The following CD99L2 variants were observed in gnomAD, a reference collection of about 807,000 sequenced individuals.
CD99L2 encodes the protein CD99 molecule like 2.
A neutral mutation model predicts 27.3 loss-of-function variants in CD99L2; 24 were observed. The observed-to-expected ratio is 0.88, with a 90% CI of 0.64 to 1.24. CD99L2 has a LOEUF of 1.24. Ranked by LOEUF, CD99L2 falls within the 50% of genes most tolerant of loss-of-function variation. CD99L2 has a pLI of 0.00. For synonymous variants in CD99L2, 97 were observed against 87.9 expected (o/e 1.10, Z -0.58); for missense variants, 255 against 221.6 (o/e 1.15, Z -0.96).
intron 4 of CD99L2, 35 bp from the exon 5 acceptor site, chrX:150,795,521 A>G: frequency 8.5e-7 from 1 of 1,178,609 alleles, no homozygotes; most frequent in Non-Finnish European, 1.2e-6. Flanking sequence ...AAGGGAGCAC[A>G]TTTAGGAACA....
chrX:150,770,216 G>A (rs2043418894), intron 10 of CD99L2, 88 bp downstream of exon 10: 2 of 905,857 alleles, frequency 2.2e-6, no homozygotes, highest in East Asian at 3.1e-5. Flanking sequence ...ACGCCTCTGT[G>A]CTTCCCTGCT....
At chrX:150,824,264 G>GT in intron 2 of CD99L2, among the ~76,000 whole-genome samples, 1 of 56,066 alleles carries the variant, frequency 1.8e-5, no homozygotes, top group African/African-American at 8.1e-5. Flanking sequence ...GAGGAAGAAG[G>GT]AAGGAGGAGG....
intron 1 of CD99L2, among the ~76,000 whole-genome samples, chrX:150,885,226 G>C (rs1181270429): frequency 9.0e-6 from 1 of 111,333 alleles, no homozygotes; most frequent in Non-Finnish European, 1.9e-5. Context: ...TCTATTTCTC[G>C]ACCTGGTCGG....
At position 150,898,623 on chromosome X, in the gene CD99L2, A is replaced by G; in HGVS notation, c.-35T>C. The G allele has an allele frequency of 9.4e-7, 1 of 1,064,322 alleles. No homozygotes were observed. Among genetic ancestry groups the G allele is most frequent in the Non-Finnish European group, 1.2e-6 (1 of 822,321 alleles). 87.7% of individuals were successfully genotyped at this position (1,064,322 alleles called of 1,213,427 possible). ...CAGGCGGAGGGCCCCGGAGGAGCAC[A>G]GTTAGCGCGAGAGCGCCCGAAGGGG... is the stretch of plus-strand genomic sequence containing the variant. On this transcript the variant is annotated 5_prime_UTR_variant, in exon 1 of 11. Coordinates refer to ENST00000370377, the MANE Select transcript of CD99L2 (RefSeq NM_031462.4).
chrX:150,894,064 A>AAT (rs2047564633), intron 1 of CD99L2, among the ~76,000 whole-genome samples: 1 of 111,385 alleles, frequency 9.0e-6, no homozygotes, highest in Non-Finnish European at 1.9e-5. Context: ...TAGTACATTC[A>AAT]CATATTTTGC....
intron 1 of CD99L2, among the ~76,000 whole-genome samples, chrX:150,892,980 C>T (rs2047543646): frequency 9.0e-6 from 1 of 111,559 alleles, no homozygotes; most frequent in African/African-American, 3.3e-5. Context: ...AAAAATTAGC[C>T]GGGTGTGATG....
intron 1 of CD99L2, among the ~76,000 whole-genome samples, chrX:150,891,732 G>A (rs1557422824): frequency 9.0e-6 from 1 of 111,378 alleles, no homozygotes; most frequent in Non-Finnish European, 1.9e-5. Context: ...GTGCCTACAT[G>A]AAAGATTTTC....
At chrX:150,773,634 T>C (rs1479059735) in intron 9 of CD99L2, among the ~76,000 whole-genome samples, 3 of 112,381 alleles carry the variant, frequency 2.7e-5, no homozygotes, top group Non-Finnish European at 3.8e-5. Context: ...CATGGCCTTA[T>C]TCAGGAACAG....
chrX:150,788,006 T>C (rs1035802387), intron 7 of CD99L2, among the ~76,000 whole-genome samples: 9 of 105,387 alleles, frequency 8.5e-5, no homozygotes, highest in East Asian at 3.0e-4. Flanking sequence ...ATTTTTTGTA[T>C]GTTCTCTATT....
At chrX:150,818,930 T>G in intron 2 of CD99L2, 1 of 366,041 alleles carries the variant, frequency 2.7e-6, no homozygotes, top group Non-Finnish European at 5.4e-6. Context: ...ATTCCAGGGT[T>G]TATGTGCTAG....
chrX:150,820,039 G>A (rs1186435224), intron 2 of CD99L2, among the ~76,000 whole-genome samples: 1 of 111,565 alleles, frequency 9.0e-6, no homozygotes, highest in Admixed American at 9.5e-5. Flanking sequence ...TAATACCGAA[G>A]TCAGACAAAT....
chrX:150,791,267 G>A (rs2124096681), intron 7 of CD99L2, among the ~76,000 whole-genome samples: 1 of 111,848 alleles, frequency 8.9e-6, no homozygotes, highest in African/African-American at 3.2e-5. Flanking sequence ...TCCTATCTCT[G>A]TCTGCTTAGA....
chrX:150,773,979 G>T (rs1039074467), intron 9 of CD99L2, among the ~76,000 whole-genome samples: 2 of 111,517 alleles, frequency 1.8e-5, no homozygotes, highest in Non-Finnish European at 3.8e-5. Flanking sequence ...GAAATCATCA[G>T]AAAATCAGGC....
rs181418109 is a variant in CD99L2, at chrX:150,793,998, G to A, written c.431-242C>T. ...ATGGCTATATCACTCCCGTGATTAG[G>A]TTAGATTACATGCCAAAGGTGAAGG... On this transcript the variant is annotated intron_variant, in intron 6 of 10. Transcript: ENST00000370377. Among the ~76,000 whole-genome samples the A allele has an allele frequency of 4.0e-4, 44 of 111,223 alleles. No individual in the cohort carries two copies. In the East Asian group the frequency reaches 0.011, roughly 28 times the overall value.
intron 7 of CD99L2, among the ~76,000 whole-genome samples, chrX:150,793,159 C>G: frequency 8.9e-6 from 1 of 112,516 alleles, no homozygotes; most frequent in Non-Finnish European, 1.9e-5. Flanking sequence ...CTGGTTTTGA[C>G]AATGACTATG....
At chrX:150,841,574 G>C (rs1180649402) in intron 1 of CD99L2, among the ~76,000 whole-genome samples, 1 of 111,767 alleles carries the variant, frequency 8.9e-6, no homozygotes, top group African/African-American at 3.3e-5. Flanking sequence ...CCTCACCCAA[G>C]AATTGCAAAA....
In CD99L2 at chrX:150,875,069, T is replaced by C. The variant is rs1557422281; in HGVS notation, c.67+23453A>G. Reference sequence around the variant, plus strand: ...CCTCTTTCCTCCCTTGGCCTCCCCTTTTCTGAGTACAACCCTCTTGCTTGG... The same window carrying C: ...CCTCTTTCCTCCCTTGGCCTCCCCTCTTCTGAGTACAACCCTCTTGCTTGG... On this transcript the variant is annotated intron_variant, in intron 1 of 10. Coordinates refer to ENST00000370377, the MANE Select transcript of CD99L2 (RefSeq NM_031462.4). Among the ~76,000 whole-genome samples the C allele has an allele frequency of 1.8e-5, 2 of 111,674 alleles. 1 individual carries two copies. The highest frequency in any genetic ancestry group is 3.8e-5 in the Non-Finnish European group (2 of 53,234).
intron 2 of CD99L2, among the ~76,000 whole-genome samples, chrX:150,818,199 C>CAT (rs1330665475): frequency 3.9e-4 from 12 of 30,600 alleles, no homozygotes; most frequent in Non-Finnish European, 1.3e-3. Context: ...AACAAGTAGG[C>CAT]AGATATATAT....
In CD99L2 at chrX:150,831,188, CACT is replaced by C. The variant is rs782598235; in HGVS notation, c.130+40_130+42del. The C allele has an allele frequency of 5.1e-6, 5 of 984,772 alleles. No homozygotes were observed. The East Asian group carries it at 1.5e-4, about 30-fold the overall frequency. The allele number at this position is 984,772 out of a possible 1,213,427, so 81.2% of individuals were successfully genotyped here. ...TTCTGAGTGGATGATACACATTAAT[CACT>C]ACTGTTTGTTTTTAATAGTTTATTT... On this transcript the variant is annotated intron_variant, in intron 2 of 10. Coordinates refer to ENST00000370377, the MANE Select transcript of CD99L2 (RefSeq NM_031462.4).
Sources: gnomAD v4.1 joint callset for allele counts (sites outside exome capture counted in the v4.1 genomes callset) on GRCh38, gnomAD v4.1.1 for gene constraint, MANE v1.5 for transcripts, NCBI Gene and HGNC (gene_info 2026-07-23, HGNC 2026-07-21) for gene names.